The following USP1 variants were observed in gnomAD, a reference collection of about 807,000 sequenced individuals.
USP1 encodes ubiquitin specific peptidase 1.
Under a neutral mutation model 72.2 loss-of-function variants are expected in USP1, and 18 were observed. That is an observed-to-expected ratio of 0.25 (90% CI 0.17 to 0.37). The LOEUF (loss-of-function observed/expected upper bound fraction) is 0.37, where lower values mean the gene tolerates loss of function less well. Ranked by LOEUF, USP1 falls within the 10% of genes least tolerant of loss-of-function variation. The pLI, the probability that USP1 is intolerant of heterozygous loss-of-function variation, is 1.00. For synonymous variants in USP1, 354 were observed against 303.7 expected (o/e 1.17, Z -1.72); for missense variants, 759 against 884.9 (o/e 0.86, Z 1.81).
rs149244387 is a variant in USP1 at position 62,445,312 on chromosome 1, C to T, written c.1132C>T (p.Pro378Ser). ...KGQSKENECD[P>S]EEDLGKCESD... The stretch of plus-strand genomic sequence containing the variant: ...ACAATCTAAAGAAAATGAATGTGAT[C>T]CTGAAGAGGACTTGGGGAAGTGTGA... Residue 378 changes from proline (P) to serine (S), a missense_variant, in exon 6 of 9, where the codon CCT becomes TCT. Coordinates refer to ENST00000339950, the MANE Select transcript of USP1 (RefSeq NM_003368.5). 1 of 1,613,388 alleles carries T rather than the reference C, an allele frequency of 6.2e-7. No homozygotes were observed. Among genetic ancestry groups the T allele is most frequent in the African/African-American group, 1.3e-5 (1 of 74,860 alleles).
At position 62,437,254 on chromosome 1, in the gene USP1, C is replaced by T. The variant is rs1465416144; in HGVS notation, c.-216C>T. The T allele has an allele frequency of 5.0e-6, 2 of 398,096 alleles. No individual in the cohort carries two copies. The highest frequency in any genetic ancestry group is 1.3e-4 in the South Asian group (1 of 7,622). 24.7% of individuals were successfully genotyped at this position (398,096 alleles called of 1,614,324 possible). ...CCGCTCTTGGGAGCGGATGGTCACT[C>T]CCCCGCGGGGAGGGCGAGCCGACCA... On this transcript the variant is annotated 5_prime_UTR_variant, in exon 1 of 9. Transcript: ENST00000339950.
chr1:62,443,487 AT>A (rs1373775231), intron 5 of USP1, among the ~76,000 whole-genome samples, 168 bp downstream of exon 5: 2 of 152,198 alleles, frequency 1.3e-5, no homozygotes, highest in African/African-American at 4.8e-5. Context: ...TTTTTCATAA[AT>A]TTGGTGCTAA....
In USP1 at chr1:62,450,386, C is replaced by A. The variant is rs1191830692; in HGVS notation, c.1763C>A (p.Thr588Lys). The A allele has an allele frequency of 1.2e-6, 2 of 1,613,968 alleles. No homozygotes were observed. The highest frequency in any genetic ancestry group is 1.7e-6 in the Non-Finnish European group (2 of 1,180,028). ...LFAVVMHSGI[T>K]ISSGHYTASV... ...GCGGTTGTGATGCATAGTGGCATTA[C>A]AATTAGTAGTGGGCATTACACTGCT... Residue 588 changes from threonine (T) to lysine (K), a missense_variant, in exon 9 of 9, where the codon ACA becomes AAA. By Grantham distance (78) the Thr-to-Lys change is moderately conservative. Around this residue, in one of 9 missense-constraint regions of USP1, gnomAD observed 140 missense variants for 222.8 expected, o/e 0.63. Coordinates refer to ENST00000339950, the MANE Select transcript of USP1 (RefSeq NM_003368.5).
In USP1 at chr1:62,450,312, A is replaced by G. The variant is rs746431576; in HGVS notation, c.1689A>G (p.Ser563=). 1 of 1,614,144 alleles carries G rather than the reference A, an allele frequency of 6.2e-7. No individual in the cohort carries two copies. The highest frequency in any genetic ancestry group is 1.1e-5 in the South Asian group (1 of 91,088). Residue 563 remains serine, a synonymous_variant, in exon 9 of 9, where the codon TCA becomes TCG. Coordinates refer to ENST00000339950, the MANE Select transcript of USP1 (RefSeq NM_003368.5). ...NTPLLTPLKL[S]LEEWSTKPTN... ...CTTTATTGACACCTCTTAAATTGTCACTAGAAGAATGGAGCACAAAGCCAA... is the reference window on the plus strand; with the variant it reads ...CTTTATTGACACCTCTTAAATTGTCGCTAGAAGAATGGAGCACAAAGCCAA...
chr1:62,444,894 T>C lies in USP1; in HGVS notation c.714T>C (p.His238=). The change falls in exon 6 of 9, where the codon CAT becomes CAC. Residue 238 remains histidine (H), a synonymous_variant. Transcript: ENST00000339950. ...ELPTKVEEIP[H]PKEEMNGINS... ...CTACTAAGGTAGAAGAAATACCTCATCCGAAAGAGGAAATGAATGGTATTA... is the reference window on the plus strand; with the variant it reads ...CTACTAAGGTAGAAGAAATACCTCACCCGAAAGAGGAAATGAATGGTATTA... The C allele has an allele frequency of 1.9e-6, 3 of 1,613,362 alleles. No individual in the cohort carries two copies. Among genetic ancestry groups the C allele is most frequent in the East Asian group, 4.5e-5 (2 of 44,760 alleles).
chr1:62,441,696 A>C, intron 3 of USP1, 88 bp downstream of exon 3: 1 of 1,429,448 alleles, frequency 7.0e-7, no homozygotes, highest in African/African-American at 1.4e-5. Flanking sequence ...GGAGGACTTT[A>C]ATGTCCATAC....
In USP1 at chr1:62,450,547, G is replaced by T. The variant is rs1557559355; in HGVS notation, c.1924G>T (p.Glu642Ter). The change falls in exon 9 of 9, where the codon GAA (glutamate) becomes TAA (stop). Residue 642 changes from glutamate (E) to a stop codon, truncating the protein, a stop_gained. Transcript: ENST00000339950. LOFTEE classifies it high-confidence loss of function. The stretch of plus-strand genomic sequence containing the variant: ...GGGTGTGGTTGAGAATTATAATGAT[G>T]AAGAAGTGTCAATTAGAGTTGGTGG... The part of the protein sequence containing the change: ...ARGVVENYND[E>*]EVSIRVGGNT... 1 of 1,613,870 alleles carries T rather than the reference G, an allele frequency of 6.2e-7. No individual in the cohort carries two copies. Among genetic ancestry groups the T allele is most frequent in the Non-Finnish European group, 8.5e-7 (1 of 1,179,982 alleles).
intron 3 of USP1, 25 bp downstream of exon 3, chr1:62,441,633 A>G (rs780143744): frequency 2.5e-6 from 4 of 1,599,880 alleles, no homozygotes; most frequent in Non-Finnish European, 3.4e-6. Flanking sequence ...TTGCTATATC[A>G]TAAAGCTTTA....
chr1:62,443,268 A>G lies in USP1; in HGVS notation c.506A>G (p.Lys169Arg), dbSNP rs140037839. Residue 169 changes from lysine (K) to arginine (R), a missense_variant, in exon 5 of 9, where the codon AAA becomes AGA. Coordinates refer to ENST00000339950, the MANE Select transcript of USP1 (RefSeq NM_003368.5). ...LQASFLLNPE[K>R]YTDELATQPR... ...GCTAGTTTTCTCTTAAATCCAGAGA[A>G]ATATACTGATGAACTTGCCACTCAG... The G allele has an allele frequency of 3.0e-4, 490 of 1,613,938 alleles. No homozygotes were observed. The highest frequency in any genetic ancestry group is 4.1e-4 in the Non-Finnish European group (479 of 1,179,994).
At chr1:62,437,627 G>T (rs1645099884) in intron 1 of USP1, among the ~76,000 whole-genome samples, 1 of 151,704 alleles carries the variant, frequency 6.6e-6, no homozygotes, top group Non-Finnish European at 1.5e-5. Context: ...CGCGGCGAGG[G>T]CGCCCGGCGC....
At chr1:62,446,618 G>A (rs981776570) in intron 6 of USP1, among the ~76,000 whole-genome samples, 2 of 152,122 alleles carry the variant, frequency 1.3e-5, no homozygotes, top group Non-Finnish European at 2.9e-5. Flanking sequence ...GGTAGGTGGT[G>A]CATAACTGTA....
At chr1:62,447,542 T>C in intron 7 of USP1, 31 bp downstream of exon 7, 1 of 1,585,414 alleles carries the variant, frequency 6.3e-7, no homozygotes, top group Non-Finnish European at 8.5e-7. Flanking sequence ...GTGTGGACCA[T>C]GATGGAATAT....
intron 4 of USP1, among the ~76,000 whole-genome samples, chr1:62,442,726 G>A (rs765535199): frequency 2.8e-4 from 43 of 152,234 alleles, no homozygotes; most frequent in Middle Eastern, 6.8e-3. Flanking sequence ...AAGACCAGAC[G>A]TGGTGGCTCA....
At chr1:62,443,415 G>C (rs958641010) in intron 5 of USP1, 96 bp downstream of exon 5, 1 of 1,272,462 alleles carries the variant, frequency 7.9e-7, no homozygotes, top group Non-Finnish European at 1.0e-6. Context: ...TAAAGGGCAA[G>C]GAAAGTAGAA....
intron 4 of USP1, 24 bp downstream of exon 4, chr1:62,442,323 ATAATG>A: frequency 6.6e-7 from 1 of 1,525,930 alleles, no homozygotes; most frequent in Non-Finnish European, 8.9e-7. Flanking sequence ...AGAACAGAAA[ATAATG>A]TAAAAAGCAA....
At chr1:62,438,743 CAG>C (rs1470639694) in intron 1 of USP1, among the ~76,000 whole-genome samples, 3 of 151,952 alleles carry the variant, frequency 2.0e-5, no homozygotes, top group African/African-American at 4.8e-5. Context: ...TACTTTAAAA[CAG>C]GGTGGGAAAG....
intron 1 of USP1, among the ~76,000 whole-genome samples, chr1:62,438,904 T>G (rs9436661): frequency 0.42 from 63,914 of 152,162 alleles, 15,189 homozygotes; most frequent in African/African-American, 0.65. Flanking sequence ...ACAGTTTTTT[T>G]TATCACGGTC....
In USP1 at chr1:62,441,615, T is replaced by A; in HGVS notation, c.291+7T>A. Reference sequence around the variant, plus strand: ...TCTTAATAGTATACTTCAGGTAAATTGACAATTTTGCTATATCATAAAGCT... The same window carrying A: ...TCTTAATAGTATACTTCAGGTAAATAGACAATTTTGCTATATCATAAAGCT... On this transcript the variant is annotated splice_region_variant and intron_variant, in intron 3 of 8. Transcript: ENST00000339950. 1 of 1,602,312 alleles carries A rather than the reference T, an allele frequency of 6.2e-7. No homozygotes were observed. The highest frequency in any genetic ancestry group is 8.5e-7 in the Non-Finnish European group (1 of 1,176,652).
chr1:62,447,643 C>T (rs1645184793), intron 7 of USP1, 132 bp downstream of exon 7: 1 of 908,450 alleles, frequency 1.1e-6, no homozygotes, highest in Non-Finnish European at 1.6e-6. Context: ...TGTAACCTTT[C>T]TGCTTATCTG....
Sources: allele counts gnomAD v4.1 joint callset (sites outside exome capture counted in the v4.1 genomes callset), GRCh38; gene constraint gnomAD v4.1.1; regional missense constraint gnomAD v4.1.1; transcripts MANE v1.5; gene names NCBI Gene and HGNC (gene_info 2026-07-23, HGNC 2026-07-21).